TTC28: variants seen among roughly 807,000 people sequenced by gnomAD.
The protein encoded by TTC28 is tetratricopeptide repeat domain 28.
In TTC28, 61 loss-of-function variants were observed where a neutral mutation model predicts 198.0. The observed-to-expected ratio is 0.31, with a 90% CI of 0.25 to 0.38. The LOEUF (loss-of-function observed/expected upper bound fraction) is 0.38, where lower values mean the gene tolerates loss of function less well. Among genes scored for constraint, TTC28 ranks in the 10% least tolerant of loss-of-function variants. The pLI is 1.00. For missense variants in TTC28, 2,678 were observed against 3,164.0 expected, an observed-to-expected ratio of 0.85 and a Z score of 3.69; for synonymous variants, 1,171 against 1,297.8, an observed-to-expected ratio of 0.90 and a Z score of 2.10.
intron 2 of TTC28, among the ~76,000 whole-genome samples, chr22:28,573,236 C>G (rs1362546562): frequency 6.6e-6 from 1 of 151,776 alleles, no homozygotes; most frequent in East Asian, 1.9e-4. Flanking sequence ...GTGGGCGGAT[C>G]ACAGGGTCAG....
chr22:28,477,495 A>G (rs2048182739), intron 2 of TTC28, among the ~76,000 whole-genome samples: 1 of 152,222 alleles, frequency 6.6e-6, no homozygotes, highest in Admixed American at 6.5e-5. Flanking sequence ...TCTCTTTTAA[A>G]AAAAATAAAA....
intron 2 of TTC28, among the ~76,000 whole-genome samples, chr22:28,460,242 T>C (rs1352968182): frequency 6.6e-6 from 1 of 152,188 alleles, no homozygotes; most frequent in African/African-American, 2.4e-5. Context: ...AGTCCAGAGA[T>C]AAAGTCGTGG....
intron 5 of TTC28, among the ~76,000 whole-genome samples, chr22:28,191,942 T>C (rs951549444): frequency 6.6e-6 from 1 of 152,188 alleles, no homozygotes; most frequent in African/African-American, 2.4e-5. Context: ...AAGAGAGTAG[T>C]GGTTCTCCCA....
At chr22:28,355,853 T>C (rs1263512424) in intron 2 of TTC28, among the ~76,000 whole-genome samples, 2 of 152,180 alleles carry the variant, frequency 1.3e-5, no homozygotes, top group East Asian at 1.9e-4. Flanking sequence ...GAACAACGAA[T>C]TGTGTGGCCT....
At chr22:28,363,574 A>G (rs1416586858) in intron 2 of TTC28, among the ~76,000 whole-genome samples, 2 of 152,174 alleles carry the variant, frequency 1.3e-5, no homozygotes, top group Non-Finnish European at 2.9e-5. Context: ...TCCAGACTCC[A>G]GAATAGTAGA....
intron 2 of TTC28, among the ~76,000 whole-genome samples, chr22:28,559,672 A>C (rs939144058): frequency 2.6e-5 from 4 of 152,202 alleles, no homozygotes; most frequent in African/African-American, 9.7e-5. Flanking sequence ...TATTTGACAC[A>C]ACGGGTCATT....
At chr22:28,243,475 A>G (rs1022306858) in intron 5 of TTC28, among the ~76,000 whole-genome samples, 1 of 150,282 alleles carries the variant, frequency 6.7e-6, no homozygotes, top group Non-Finnish European at 1.5e-5. Flanking sequence ...CAAAAGTGCT[A>G]ATCTGTGATG....
chr22:28,243,412 T>C (rs1359730649), intron 5 of TTC28, among the ~76,000 whole-genome samples: 1 of 149,638 alleles, frequency 6.7e-6, no homozygotes, highest in Non-Finnish European at 1.5e-5. Context: ...TATTTGGCTC[T>C]TTTTTTTCCC....
chr22:28,364,034 T>G (rs1026932974), intron 2 of TTC28, among the ~76,000 whole-genome samples: 4 of 152,172 alleles, frequency 2.6e-5, no homozygotes, highest in Non-Finnish European at 5.9e-5. Flanking sequence ...TGAGAAGGCA[T>G]GATTCTGTTT....
chr22:28,678,188 A>C (rs1477554363), intron 1 of TTC28, among the ~76,000 whole-genome samples: 1 of 152,180 alleles, frequency 6.6e-6, no homozygotes, highest in Non-Finnish European at 1.5e-5. Context: ...ATTTTAACCT[A>C]GCTGGAGTAT....
intron 2 of TTC28, among the ~76,000 whole-genome samples, chr22:28,477,190 G>GT (rs2048179454): frequency 6.6e-6 from 1 of 152,184 alleles, no homozygotes; most frequent in South Asian, 2.1e-4. Flanking sequence ...TACTGAAGTA[G>GT]TGGTTACATG....
chr22:27,990,851 G>C (rs1453019426), intron 19 of TTC28, 39 bp from the exon 20 acceptor site: 1 of 1,540,150 alleles, frequency 6.5e-7, no homozygotes, highest in South Asian at 1.2e-5. Flanking sequence ...AAGAAAGAGA[G>C]AAAGAAGAGA....
At chr22:28,210,015 C>G (rs1473164184) in intron 5 of TTC28, among the ~76,000 whole-genome samples, 1 of 152,170 alleles carries the variant, frequency 6.6e-6, no homozygotes, top group Admixed American at 6.5e-5. Context: ...TGGAGATACC[C>G]TGGCAAACAG....
chr22:28,248,773 G>GT (rs1425002005), intron 5 of TTC28, among the ~76,000 whole-genome samples: 1 of 152,054 alleles, frequency 6.6e-6, no homozygotes, highest in Non-Finnish European at 1.5e-5. Context: ...TTGCAAGTTT[G>GT]TTTCCTACCT....
At chr22:27,990,390 G>A (rs889185171) in intron 20 of TTC28, among the ~76,000 whole-genome samples, 1 of 152,152 alleles carries the variant, frequency 6.6e-6, no homozygotes, top group Non-Finnish European at 1.5e-5. Context: ...ATGGCGAAGT[G>A]GAACCCGGTT....
intron 2 of TTC28, among the ~76,000 whole-genome samples, chr22:28,535,692 C>T (rs2049252056): frequency 6.6e-6 from 1 of 151,940 alleles, no homozygotes; most frequent in African/African-American, 2.4e-5. Flanking sequence ...ATGGACTTCC[C>T]CCTTGCCAAT....
intron 12 of TTC28, among the ~76,000 whole-genome samples, chr22:28,069,578 A>C (rs1171744595): frequency 6.6e-6 from 1 of 152,194 alleles, no homozygotes. Flanking sequence ...AGATAAAATA[A>C]AAATTGTATC....
chr22:28,032,443 A>T (rs765152380), intron 12 of TTC28, among the ~76,000 whole-genome samples: 18 of 151,260 alleles, frequency 1.2e-4, no homozygotes, highest in Non-Finnish European at 1.6e-4. Flanking sequence ...CAGCCTTCAT[A>T]GTCTGGAAAT....
chr22:28,306,701 G>A (rs2045153998), intron 2 of TTC28, 58 bp from the exon 3 acceptor site: 6 of 1,521,252 alleles, frequency 3.9e-6, no homozygotes, highest in Admixed American at 2.0e-5. Flanking sequence ...GGCTGATGGT[G>A]ATTCTTTACT....
Sources: gnomAD v4.1 joint callset for allele counts (sites outside exome capture counted in the v4.1 genomes callset) on GRCh38, gnomAD v4.1.1 for gene constraint, MANE v1.5 for transcripts, NCBI Gene and HGNC (gene_info 2026-07-23, HGNC 2026-07-21) for gene names.